The following MYO1F variants were observed in gnomAD, a reference collection of about 807,000 sequenced individuals.
MYO1F encodes the protein unconventional myosin-If.
A neutral mutation model predicts 146.6 loss-of-function variants in MYO1F; 60 were observed. The ratio of observed to expected loss-of-function variants is 0.41; its 90% CI spans 0.33 to 0.51. MYO1F has a LOEUF of 0.51. Among genes scored for constraint, MYO1F ranks in the 20% least tolerant of loss-of-function variants. The pLI is 0.25. For synonymous variants in MYO1F, 602 were observed against 602.1 expected (o/e 1.00, Z 0.00); for missense variants, 1,274 against 1,534.3 (o/e 0.83, Z 2.83).
chr19:8,544,000 TGGTGGCGGTGGCGGTGGCGGTGGC>T (rs1176648618), intron 14 of MYO1F: 2 of 154,832 alleles, frequency 1.3e-5, no homozygotes, highest in East Asian at 7.5e-4. Flanking sequence ...GTGGTGCTGG[TGGTGGCGGTGGCGGTGGCGGTGGC>T]GGTGGCGGTG....
chr19:8,569,273 T>C (rs1182578580), intron 1 of MYO1F, among the ~76,000 whole-genome samples: 1 of 151,942 alleles, frequency 6.6e-6, no homozygotes, highest in Non-Finnish European at 1.5e-5. Flanking sequence ...GTGGTCACAG[T>C]TGACCACAAG....
intron 10 of MYO1F, among the ~76,000 whole-genome samples, chr19:8,549,123 G>A (rs940481994): frequency 6.5e-4 from 99 of 151,602 alleles, no homozygotes; most frequent in African/African-American, 2.4e-3. Flanking sequence ...GCTAATTCTT[G>A]TATTTTTAGT....
At chr19:8,526,376 C>T (rs560479730) in intron 24 of MYO1F, 77 bp downstream of exon 24, 3 of 1,529,408 alleles carry the variant, frequency 2.0e-6, no homozygotes, top group Admixed American at 3.9e-5. Flanking sequence ...TGTAGACACT[C>T]CCCTTCCTGG....
chr19:8,541,839 G>A, intron 15 of MYO1F, 67 bp downstream of exon 15: 3 of 1,439,406 alleles, frequency 2.1e-6, no homozygotes, highest in Non-Finnish European at 1.9e-6. Context: ...GATGGAGTGG[G>A]GCCCGGTCCT....
chr19:8,548,597 TTTTTTTTTC>T (rs1973470871), intron 10 of MYO1F, among the ~76,000 whole-genome samples: 2 of 143,102 alleles, frequency 1.4e-5, no homozygotes, highest in South Asian at 4.6e-4. Flanking sequence ...ATTTTCTTTT[TTTTTTTTTC>T]TTTTTTTTTT....
intron 6 of MYO1F, 45 bp downstream of exon 6, chr19:8,553,094 A>G (rs377516253): frequency 2.6e-6 from 4 of 1,567,860 alleles, no homozygotes; most frequent in Non-Finnish European, 3.5e-6. Context: ...TAGAAAGGTC[A>G]GCACGGAGGG....
At chr19:8,562,393 G>A (rs910289449) in intron 1 of MYO1F, among the ~76,000 whole-genome samples, 9 of 151,918 alleles carry the variant, frequency 5.9e-5, no homozygotes, top group African/African-American at 1.2e-4. Context: ...CTGCGGCCTC[G>A]AACTCCTGGG....
intron 1 of MYO1F, among the ~76,000 whole-genome samples, chr19:8,574,354 C>A (rs941571680): frequency 2.6e-5 from 4 of 152,204 alleles, no homozygotes; most frequent in Admixed American, 2.6e-4. Flanking sequence ...AATGAATGGA[C>A]ATCCCAGCTA....
rs555627525 is a variant in MYO1F, at chr19:8,556,380, G to C, written c.4-584C>G. On this transcript the variant is annotated intron_variant, in intron 1 of 27. Coordinates refer to ENST00000644032, the MANE Select transcript of MYO1F (RefSeq NM_012335.4). ...TTTAATGCCAAGTGCAGTGGCTCAT[G>C]CCCGTAATCCCAGCACTTCGGGAGG... Among the ~76,000 whole-genome samples, 9 of 149,698 alleles carry C rather than the reference G, an allele frequency of 6.0e-5. No homozygotes were observed. The East Asian group carries it at 1.9e-3, about 32-fold the overall frequency.
At chr19:8,539,140 C>T (rs932398490) in intron 16 of MYO1F, among the ~76,000 whole-genome samples, 3 of 151,378 alleles carry the variant, frequency 2.0e-5, no homozygotes, top group Non-Finnish European at 2.9e-5. Flanking sequence ...TTAGGCCGAG[C>T]GCGGTGGCTC....
At chr19:8,550,416 C>T (rs1355257730) in intron 9 of MYO1F, 60 bp from the exon 10 acceptor site, 2 of 1,585,082 alleles carry the variant, frequency 1.3e-6, no homozygotes, top group Non-Finnish European at 8.6e-7. Flanking sequence ...GTGCCTCCTG[C>T]ATGGGCCTCC....
chr19:8,550,109 G>A (rs759501161), intron 10 of MYO1F, 51 bp downstream of exon 10: 1 of 1,596,182 alleles, frequency 6.3e-7, no homozygotes, highest in South Asian at 1.1e-5. Flanking sequence ...TTCCATAAAT[G>A]TTTGTGACCC....
intron 1 of MYO1F, among the ~76,000 whole-genome samples, chr19:8,568,509 A>T (rs893040144): frequency 6.8e-6 from 1 of 148,084 alleles, no homozygotes; most frequent in Non-Finnish European, 1.5e-5. Context: ...TCGTGTGGGG[A>T]GGATAGTCGA....
chr19:8,521,874 C>T lies in MYO1F; in HGVS notation c.3221-270G>A, dbSNP rs560231342. Among the ~76,000 whole-genome samples, 19 of 152,052 alleles carry T rather than the reference C, an allele frequency of 1.2e-4. No individual in the cohort carries two copies. The East Asian group carries it at 3.5e-3, about 28-fold the overall frequency. On this transcript the variant is annotated intron_variant, in intron 27 of 27. Transcript: ENST00000644032. ...CTTGCTAGGTTGCCCAGGCTTGTCT[C>T]AAACTCCTGACCTCAAGTGATCCTC...
At position 8,536,318 on chromosome 19, in the gene MYO1F, C is replaced by A; in HGVS notation, c.1977G>T (p.Ala659=). 6.2e-7 allele frequency: 1 copy of A among 1,608,200 alleles called. No individual in the cohort carries two copies. Among genetic ancestry groups the A allele is most frequent in the South Asian group, 1.1e-5 (1 of 91,066 alleles). ...ERQGVQHLLR[A]VNMEPDQYQM... The stretch of plus-strand genomic sequence containing the variant: ...GGTACTGGTCGGGCTCCATGTTGAC[C>A]GCCCGAAGCAGGTGCTGGACGCCCT... The change falls in exon 19 of 28, where the codon GCG becomes GCT. Residue 659 remains alanine, a synonymous_variant. Coordinates refer to ENST00000644032, the MANE Select transcript of MYO1F (RefSeq NM_012335.4).
At position 8,577,441 on chromosome 19, in the gene MYO1F, T is replaced by C. The variant is rs1555734139; in HGVS notation, c.-132A>G. On this transcript the variant is annotated 5_prime_UTR_variant, in exon 1 of 28. Transcript: ENST00000644032. The surrounding 1 kb of genome is among the most constrained non-coding windows in gnomAD (Gnocchi z 4.3). ...CCGTTCACCGGACTCCCGGCTTTAG[T>C]TCCTCTTACAACAGCCCCTTCTCAC... The C allele has an allele frequency of 2.0e-6, 2 of 1,021,650 alleles. No individual in the cohort carries two copies. Among genetic ancestry groups the C allele is most frequent in the Non-Finnish European group, 3.0e-6 (2 of 661,966 alleles). The allele number at this position is 1,021,650 out of a possible 1,614,324, so 63.3% of individuals were successfully genotyped here.
chr19:8,525,652 AC>A, intron 24 of MYO1F, 90 bp from the exon 25 acceptor site: 1 of 1,095,882 alleles, frequency 9.1e-7, no homozygotes. Context: ...GCTCCGCCGC[AC>A]CCCGCCCCCT....
intron 10 of MYO1F, among the ~76,000 whole-genome samples, chr19:8,548,720 C>T (rs1210004195): frequency 2.6e-5 from 4 of 151,736 alleles, no homozygotes; most frequent in African/African-American, 9.7e-5. Flanking sequence ...CCTGCCTCAG[C>T]CTCCCAAGTA....
intron 19 of MYO1F, among the ~76,000 whole-genome samples, chr19:8,531,541 GTTGCC>G (rs1972486728): frequency 6.6e-6 from 1 of 152,050 alleles, no homozygotes; most frequent in African/African-American, 2.4e-5. Flanking sequence ...GTCTTGCCAT[GTTGCC>G]CAGGCTGGAA....
Sources: allele counts gnomAD v4.1 joint callset (sites outside exome capture counted in the v4.1 genomes callset), GRCh38; gene constraint gnomAD v4.1.1; non-coding constraint Gnocchi (gnomAD v3.1); transcripts MANE v1.5; gene names NCBI Gene and HGNC (gene_info 2026-07-23, HGNC 2026-07-21).